CDK17: variants seen among roughly 807,000 people sequenced by gnomAD.
CDK17 encodes the protein cyclin dependent kinase 17, also known as cyclin-dependent kinase 17.
A neutral mutation model predicts 77.6 loss-of-function variants in CDK17; 24 were observed. The observed-to-expected ratio is 0.31, with a 90% CI of 0.22 to 0.44. The LOEUF (loss-of-function observed/expected upper bound fraction) is 0.44, where lower values mean the gene tolerates loss of function less well. Ranked by LOEUF, CDK17 falls within the 20% of genes least tolerant of loss-of-function variation. The pLI is 1.00. For missense variants in CDK17, 429 were observed against 622.5 expected, an observed-to-expected ratio of 0.69 and a Z score of 3.31; for synonymous variants, 203 against 210.4, an observed-to-expected ratio of 0.96 and a Z score of 0.30.
At chr12:96,341,318 T>TACACACACACACAC (rs10656968) in intron 1 of CDK17, among the ~76,000 whole-genome samples, 2 of 148,696 alleles carry the variant, frequency 1.3e-5, no homozygotes, top group South Asian at 2.1e-4. Context: ...ATCATATACA[T>TACACACACACACAC]ACACACACAC....
chr12:96,375,807 A>T (rs1045969993), intron 1 of CDK17, among the ~76,000 whole-genome samples: 4 of 152,098 alleles, frequency 2.6e-5, no homozygotes, highest in Admixed American at 1.3e-4. Context: ...TGGCCTCCCA[A>T]ACTGCTGGTA....
At position 96,392,302 on chromosome 12, in the gene CDK17, A is replaced by G. The variant is rs200736757; in HGVS notation, c.-30+7684T>C. On this transcript the variant is annotated intron_variant, in intron 1 of 16. Coordinates refer to ENST00000261211, the MANE Select transcript of CDK17 (RefSeq NM_002595.5). ...ACCAGTTTCTTCATCTTTGTATCCT[A>G]GCCCCTACCATAGTGTCTAGTACAG... Among the ~76,000 whole-genome samples, 5 of 152,208 alleles carry G rather than the reference A, an allele frequency of 3.3e-5. No individual in the cohort carries two copies. In the East Asian group the frequency reaches 9.6e-4, roughly 29 times the overall value.
At chr12:96,364,750 A>G (rs1953556142) in intron 1 of CDK17, among the ~76,000 whole-genome samples, 1 of 152,110 alleles carries the variant, frequency 6.6e-6, no homozygotes, top group Non-Finnish European at 1.5e-5. Flanking sequence ...AACAGAAAAT[A>G]TTTTTCTCTA....
Position 96,399,932 on chromosome 12 carries a change from C to T in CDK17, c.-30+54G>A, listed in dbSNP as rs537392988. 5 of 358,016 alleles carry T rather than the reference C, an allele frequency of 1.4e-5. No individual in the cohort carries two copies. The East Asian group carries it at 2.1e-4, about 15-fold the overall frequency. The allele number at this position is 358,016 out of a possible 1,614,324, so 22.2% of individuals were successfully genotyped here. ...TGTCCCACGCAGCCTCCCGGCCCCG[C>T]GGCCGACCCGACACCAGGGGAAAGC... On this transcript the variant is annotated intron_variant, in intron 1 of 16. Coordinates refer to ENST00000261211, the MANE Select transcript of CDK17 (RefSeq NM_002595.5).
chr12:96,325,094 T>A (rs145215841), intron 2 of CDK17, among the ~76,000 whole-genome samples: 6 of 152,334 alleles, frequency 3.9e-5, no homozygotes, highest in Admixed American at 6.5e-5. Flanking sequence ...CCTTTCCACC[T>A]CCAAAGAAGA....
At chr12:96,308,731 AAATAAT>A (rs34304107) in intron 5 of CDK17, among the ~76,000 whole-genome samples, 27 of 132,568 alleles carry the variant, frequency 2.0e-4, no homozygotes, top group Non-Finnish European at 2.6e-4. Flanking sequence ...CCGTCTCCAA[AAATAAT>A]AATAATAATA....
At chr12:96,384,776 G>A (rs540502613) in intron 1 of CDK17, among the ~76,000 whole-genome samples, 1 of 152,162 alleles carries the variant, frequency 6.6e-6, no homozygotes, top group Non-Finnish European at 1.5e-5. Context: ...CAGCACTTGG[G>A]AGGCTGAGGC....
intron 10 of CDK17, among the ~76,000 whole-genome samples, chr12:96,290,907 TAAACA>T (rs1189485788): frequency 6.6e-6 from 1 of 152,180 alleles, no homozygotes; most frequent in African/African-American, 2.4e-5. Context: ...CAATCTCTCC[TAAACA>T]AAATTAATTA....
At chr12:96,392,487 G>A (rs189456207) in intron 1 of CDK17, among the ~76,000 whole-genome samples, 8 of 152,270 alleles carry the variant, frequency 5.3e-5, no homozygotes, top group South Asian at 4.1e-4. Context: ...AAACCCTTAC[G>A]TAAGAAAGTG....
chr12:96,343,889 G>A (rs931856894), intron 1 of CDK17, among the ~76,000 whole-genome samples: 6 of 152,140 alleles, frequency 3.9e-5, no homozygotes, highest in Non-Finnish European at 7.4e-5. Context: ...CACAGAATTT[G>A]GAATTGCTAG....
chr12:96,373,376 TGAG>T (rs2137212050), intron 1 of CDK17, among the ~76,000 whole-genome samples: 1 of 149,278 alleles, frequency 6.7e-6, no homozygotes, highest in African/African-American at 2.5e-5. Flanking sequence ...GCGGATAACC[TGAG>T]GTCAAGAGTT....
At chr12:96,364,754 T>G (rs1953556220) in intron 1 of CDK17, among the ~76,000 whole-genome samples, 1 of 152,212 alleles carries the variant, frequency 6.6e-6, no homozygotes, top group South Asian at 2.1e-4. Context: ...GAAAATATTT[T>G]TCTCTATGTT....
At chr12:96,330,795 T>G (rs187528863) in intron 2 of CDK17, among the ~76,000 whole-genome samples, 8 of 152,350 alleles carry the variant, frequency 5.3e-5, no homozygotes, top group East Asian at 1.9e-4. Context: ...TTGTGAATAG[T>G]GCTGCTACAA....
intron 1 of CDK17, among the ~76,000 whole-genome samples, chr12:96,348,523 CA>C (rs35363324): frequency 0.31 from 20,104 of 65,642 alleles, 509 homozygotes; most frequent in Non-Finnish European, 0.36. Context: ...GACTCTGTCT[CA>C]AAAAAAAAAA....
At chr12:96,308,734 T>TAATAATAAA (rs1407801063) in intron 5 of CDK17, among the ~76,000 whole-genome samples, 9 of 132,688 alleles carry the variant, frequency 6.8e-5, no homozygotes, top group Admixed American at 6.5e-4. Context: ...TCTCCAAAAA[T>TAATAATAAA]AATAATAATA....
intron 2 of CDK17, among the ~76,000 whole-genome samples, chr12:96,327,369 ATGT>A (rs1359301267): frequency 6.6e-6 from 1 of 152,036 alleles, no homozygotes; most frequent in African/African-American, 2.4e-5. Flanking sequence ...TAAGTAACAA[ATGT>A]TGGTGGCTTA....
At chr12:96,393,880 A>G (rs1374918748) in intron 1 of CDK17, among the ~76,000 whole-genome samples, 1 of 152,214 alleles carries the variant, frequency 6.6e-6, no homozygotes, top group African/African-American at 2.4e-5. Context: ...TAAAAAACAC[A>G]TATTAACTAA....
At position 96,324,068 on chromosome 12, in the gene CDK17, G is replaced by C; in HGVS notation, c.163C>G (p.His55Asp). The C allele has an allele frequency of 6.2e-7, 1 of 1,609,816 alleles. No individual in the cohort carries two copies. The highest frequency in any genetic ancestry group is 8.5e-7 in the Non-Finnish European group (1 of 1,177,978). Residue 55 changes from histidine (H) to aspartate (D), a missense_variant, in exon 3 of 17, where the codon CAT becomes GAT. By Grantham distance (81) the His-to-Asp change is moderately conservative. Coordinates refer to ENST00000261211, the MANE Select transcript of CDK17 (RefSeq NM_002595.5). The part of the protein sequence containing the change: ...NGRPPTSHSM[H>D]SFLHQYTGSF... Reference sequence around the variant, plus strand: ...CCTGTGTACTGGTGGAGGAAGGAATGCATACTGTGAGACGTTGGAGGCCTG... The same window carrying C: ...CCTGTGTACTGGTGGAGGAAGGAATCCATACTGTGAGACGTTGGAGGCCTG...
At chr12:96,390,564 C>T (rs1442255515) in intron 1 of CDK17, among the ~76,000 whole-genome samples, 1 of 149,346 alleles carries the variant, frequency 6.7e-6, no homozygotes. Context: ...CAAAGATTAG[C>T]CAGACACAAT....
Sources: allele counts gnomAD v4.1 joint callset (sites outside exome capture counted in the v4.1 genomes callset), GRCh38; gene constraint gnomAD v4.1.1; transcripts MANE v1.5; gene names NCBI Gene and HGNC (gene_info 2026-07-23, HGNC 2026-07-21).